The following TET2 variants were observed in gnomAD, a reference collection of about 807,000 sequenced individuals.
TET2 encodes methylcytosine dioxygenase TET2.
A neutral mutation model predicts 142.9 loss-of-function variants in TET2; 299 were observed. The observed-to-expected ratio is 2.09, with a 90% CI of 1.90 to 2.30. The LOEUF (loss-of-function observed/expected upper bound fraction) is 2.30. Among genes scored for constraint, TET2 ranks in the 30% most tolerant of loss-of-function variants. TET2 has a pLI of 0.00. For missense variants in TET2, 2,418 were observed against 2,378.0 expected (o/e 1.02, Z -0.35); for synonymous variants, 819 against 849.0 (o/e 0.96, Z 0.61).
At chr4:105,199,971 C>T (rs929921584) in intron 2 of TET2, among the ~76,000 whole-genome samples, 2 of 151,926 alleles carry the variant, frequency 1.3e-5, no homozygotes, top group African/African-American at 4.8e-5. Context: ...GATTCCATGT[C>T]TTTGCTATTG....
chr4:105,276,686 C>T lies in TET2; in HGVS notation c.*167C>T, dbSNP rs563816292. ...CAAAAGAGGTTATCTTACCATAGCA[C>T]TTAATTTTCACTGGCTCCCAAGTGG... On this transcript the variant is annotated 3_prime_UTR_variant, in exon 11 of 11. Coordinates refer to ENST00000380013, the MANE Select transcript of TET2 (RefSeq NM_001127208.3). The T allele has an allele frequency of 5.5e-5, 41 of 746,516 alleles. No homozygotes were observed. The highest frequency in any genetic ancestry group is 7.6e-5 in the Non-Finnish European group (37 of 487,296). 46.2% of individuals were successfully genotyped at this position (746,516 alleles called of 1,614,324 possible).
chr4:105,239,126 T>G (rs1729142888), intron 3 of TET2: 2 of 234,182 alleles, frequency 8.5e-6, no homozygotes, highest in Admixed American at 5.8e-5. Flanking sequence ...CTTAAAATAT[T>G]CAGTAAACTA....
chr4:105,272,177 T>C (rs2726519), intron 9 of TET2, among the ~76,000 whole-genome samples: 65,909 of 152,006 alleles, frequency 0.43, 14,891 homozygotes, highest in Non-Finnish European at 0.52. Context: ...AAAAAACTTT[T>C]AGCCTGTTTT....
chr4:105,154,979 G>A lies in TET2; in HGVS notation c.-193+8000G>A, dbSNP rs186058497. 2.3e-3 allele frequency among the ~76,000 whole-genome samples: 348 copies of A among 152,140 alleles called. 4 individuals carry two copies. Among genetic ancestry groups the A allele is most frequent in the African/African-American group, 7.6e-3 (317 of 41,488 alleles). On this transcript the variant is annotated intron_variant, in intron 1 of 10. Coordinates refer to ENST00000380013, the MANE Select transcript of TET2 (RefSeq NM_001127208.3). ...AGTTGAGGCTGCAGTGAGCCATGTTGGTGCCCCCACACTTCAGCCTGGGTG... is the reference window on the plus strand; with the variant it reads ...AGTTGAGGCTGCAGTGAGCCATGTTAGTGCCCCCACACTTCAGCCTGGGTG...
chr4:105,279,540 G>C lies in TET2; in HGVS notation c.*3021G>C, dbSNP rs1216768893. 2 of 232,480 alleles carry C rather than the reference G, an allele frequency of 8.6e-6. No homozygotes were observed. Among genetic ancestry groups the C allele is most frequent in the African/African-American group, 4.4e-5 (2 of 45,292 alleles). 14.4% of individuals were successfully genotyped at this position (232,480 alleles called of 1,614,324 possible). A position where few individuals can be genotyped will look rare whatever the true frequency, so the allele number is the denominator to read the frequency against. On this transcript the variant is annotated 3_prime_UTR_variant, in exon 11 of 11. Coordinates refer to ENST00000380013, the MANE Select transcript of TET2 (RefSeq NM_001127208.3). ...CAGTGATGTACAGTTCACTTCTGAA[G>C]CTAGTGGTTAACTTGTGTAGGAAAC... is the stretch of plus-strand genomic sequence containing the variant.
At chr4:105,205,909 C>T (rs1327227925) in intron 2 of TET2, among the ~76,000 whole-genome samples, 1 of 152,222 alleles carries the variant, frequency 6.6e-6, no homozygotes, top group East Asian at 1.9e-4. Context: ...GCTAGGATTA[C>T]AGGCGTGAGC....
intron 1 of TET2, among the ~76,000 whole-genome samples, chr4:105,175,146 T>C (rs1452938714): frequency 1.3e-5 from 2 of 152,180 alleles, no homozygotes; most frequent in Non-Finnish European, 2.9e-5. Context: ...GCAGTTTCTT[T>C]TACTGAGTAT....
At chr4:105,169,336 G>A (rs541153741) in intron 1 of TET2, among the ~76,000 whole-genome samples, 7 of 152,240 alleles carry the variant, frequency 4.6e-5, no homozygotes, top group Middle Eastern at 6.8e-3. Context: ...TAGTGATATT[G>A]AACATTTTCT....
In TET2 at chr4:105,259,707, TG is replaced by T. The variant is rs1245041497; in HGVS notation, c.3893del (p.Cys1298LeufsTer65). The part of the protein sequence containing the change: ...GCSWSMYYNG[C>X]KFARSKIPRK... The stretch of plus-strand genomic sequence containing the variant: ...TTCATGGAGCATGTACTACAATGGA[TG>T]TAAGTTTGCCAGAAGCAAGATCCCA... On this transcript the variant is annotated frameshift_variant, in exon 7 of 11. Transcript: ENST00000380013. LOFTEE classifies it high-confidence loss of function. 2.6e-6 allele frequency: 4 copies of T among 1,551,060 alleles called. No homozygotes were observed. The highest frequency in any genetic ancestry group is 2.0e-5 in the Admixed American group (1 of 50,954).
Position 105,236,901 on chromosome 4 carries a change from TG to T in TET2, c.2960del (p.Cys987SerfsTer20). 1 of 1,614,114 alleles carries T rather than the reference TG, an allele frequency of 6.2e-7. No individual in the cohort carries two copies. The highest frequency in any genetic ancestry group is 8.5e-7 in the Non-Finnish European group (1 of 1,180,016). ...CAGGCCAATTAAGGTGGAACCTGGA[TG>T]CAAGCCACATGCCTGTATGCACACA... ...MHRPIKVEPG[C>X]KPHACMHTAP... On this transcript the variant is annotated frameshift_variant, in exon 3 of 11. Coordinates refer to ENST00000380013, the MANE Select transcript of TET2 (RefSeq NM_001127208.3). LOFTEE classifies it high-confidence loss of function.
chr4:105,219,312 A>T (rs1727677452), intron 2 of TET2, among the ~76,000 whole-genome samples: 1 of 152,152 alleles, frequency 6.6e-6, no homozygotes, highest in African/African-American at 2.4e-5. Flanking sequence ...CCAGATTGTT[A>T]TGGTAACCAG....
intron 2 of TET2, among the ~76,000 whole-genome samples, chr4:105,229,583 A>T (rs1728383987): frequency 6.6e-6 from 1 of 152,030 alleles, no homozygotes; most frequent in South Asian, 2.1e-4. Flanking sequence ...TGCTGGGACT[A>T]CAGGCGTGAG....
chr4:105,218,257 G>T (rs1727611624), intron 2 of TET2, among the ~76,000 whole-genome samples: 1 of 151,974 alleles, frequency 6.6e-6, no homozygotes. Context: ...CTAGTGATGT[G>T]ATCATATTGG....
chr4:105,189,334 C>T (rs1457715463), intron 1 of TET2, among the ~76,000 whole-genome samples: 2 of 152,100 alleles, frequency 1.3e-5, no homozygotes, highest in Non-Finnish European at 2.9e-5. Flanking sequence ...TGATACTATT[C>T]CAGATACTAT....
intron 1 of TET2, among the ~76,000 whole-genome samples, chr4:105,173,126 C>T (rs1247522985): frequency 6.6e-6 from 1 of 151,942 alleles, no homozygotes; most frequent in African/African-American, 2.4e-5. Flanking sequence ...TCTTGCATGC[C>T]AACACAAAGG....
At chr4:105,229,867 T>C (rs1728406485) in intron 2 of TET2, among the ~76,000 whole-genome samples, 1 of 152,084 alleles carries the variant, frequency 6.6e-6, no homozygotes, top group African/African-American at 2.4e-5. Context: ...GGGAGATACT[T>C]CCATCTGAAA....
intron 2 of TET2, among the ~76,000 whole-genome samples, chr4:105,197,448 T>A (rs1254291893): frequency 3.3e-5 from 5 of 152,230 alleles, no homozygotes; most frequent in Admixed American, 2.6e-4. Flanking sequence ...GTGTTCTGTT[T>A]TTCACTGTCA....
rs138270459 is a variant in TET2, at chr4:105,235,536, T to G, written c.1594T>G (p.Leu532Val). 1 of 1,614,016 alleles carries G rather than the reference T, an allele frequency of 6.2e-7. No individual in the cohort carries two copies. Among genetic ancestry groups the G allele is most frequent in the Non-Finnish European group, 8.5e-7 (1 of 1,179,996 alleles). Residue 532 changes from leucine (L) to valine (V), a missense_variant, in exon 3 of 11, where the codon TTG becomes GTG. By Grantham distance (32) the Leu-to-Val change is conservative. Coordinates refer to ENST00000380013, the MANE Select transcript of TET2 (RefSeq NM_001127208.3). Reference protein sequence around the residue: ...SGELQDNCQQLMRNKEQEILK... With the variant: ...SGELQDNCQQVMRNKEQEILK... ...AGAGCTACAGGACAACTGCCAGCAG[T>G]TGATGAGAAACAAAGAGCAAGAGAT...
intron 1 of TET2, among the ~76,000 whole-genome samples, chr4:105,148,194 G>A (rs1338945783): frequency 1.3e-5 from 2 of 152,020 alleles, no homozygotes; most frequent in African/African-American, 4.8e-5. Context: ...AGTGTGGCCT[G>A]GATAGACTCC....
Sources: gnomAD v4.1 joint callset for allele counts (sites outside exome capture counted in the v4.1 genomes callset) on GRCh38, gnomAD v4.1.1 for gene constraint, MANE v1.5 for transcripts, NCBI Gene and HGNC (gene_info 2026-07-23, HGNC 2026-07-21) for gene names.